SYTL2: variants seen among roughly 807,000 people sequenced by gnomAD.
The protein encoded by SYTL2 is synaptotagmin-like protein 2.
Under a neutral mutation model 198.7 loss-of-function variants are expected in SYTL2, and 165 were observed. The ratio of observed to expected loss-of-function variants is 0.83; its 90% CI spans 0.73 to 0.94. The LOEUF is 0.94. SYTL2 is among the 40% of genes least tolerant of loss of function. SYTL2 has a pLI of 0.00. For synonymous variants in SYTL2, 966 were observed against 917.7 expected (o/e 1.05, Z -0.95); for missense variants, 2,835 against 2,582.8 (o/e 1.10, Z -2.12).
chr11:85,806,221 T>C, intron 1 of SYTL2, among the ~76,000 whole-genome samples: 1 of 152,232 alleles, frequency 6.6e-6, no homozygotes, highest in East Asian at 1.9e-4. Context: ...GCTCAATCTT[T>C]TCCTAAATTG....
the SYTL2 span, among the ~76,000 whole-genome samples, chr11:85,830,558 G>A: frequency 6.6e-6 from 1 of 151,890 alleles, no homozygotes; most frequent in Non-Finnish European, 1.5e-5. Flanking sequence ...GTCTCTTTGT[G>A]TCTTTGTCTA....
intron 16 of SYTL2, among the ~76,000 whole-genome samples, chr11:85,703,801 A>C (rs1470098884): frequency 6.6e-6 from 1 of 152,174 alleles, no homozygotes; most frequent in African/African-American, 2.4e-5. Context: ...AAAGGATGAG[A>C]GAATGGGTAA....
chr11:85,786,468 A>T (rs1432713692), intron 1 of SYTL2, among the ~76,000 whole-genome samples: 1 of 152,232 alleles, frequency 6.6e-6, no homozygotes, highest in Non-Finnish European at 1.5e-5. Context: ...GTTGTACAAA[A>T]TGTTACCATA....
chr11:85,755,216 A>T (rs1302540227), intron 2 of SYTL2, among the ~76,000 whole-genome samples: 1 of 152,138 alleles, frequency 6.6e-6, no homozygotes, highest in Non-Finnish European at 1.5e-5. Flanking sequence ...GGCCTAAAGC[A>T]AAGAGGGGGT....
the SYTL2 span, among the ~76,000 whole-genome samples, chr11:85,848,097 G>A: frequency 6.6e-6 from 1 of 152,030 alleles, no homozygotes; most frequent in Non-Finnish European, 1.5e-5. Context: ...AAAATCAGTT[G>A]AGCATGGTGG....
At chr11:85,827,200 T>C in the SYTL2 span, among the ~76,000 whole-genome samples, 1 of 152,240 alleles carries the variant, frequency 6.6e-6, no homozygotes, top group Non-Finnish European at 1.5e-5. Flanking sequence ...CTGTTGTTAC[T>C]GAGGCAGAAG....
chr11:85,700,085 A>G (rs1171280180), intron 17 of SYTL2, among the ~76,000 whole-genome samples: 1 of 152,214 alleles, frequency 6.6e-6, no homozygotes, highest in Non-Finnish European at 1.5e-5. Context: ...GTGAAACCTA[A>G]TGACTATAAA....
chr11:85,731,334 T>C (rs1226886689), intron 7 of SYTL2, among the ~76,000 whole-genome samples: 3 of 152,128 alleles, frequency 2.0e-5, no homozygotes, highest in Non-Finnish European at 2.9e-5. Context: ...CTTCAAACTA[T>C]ACTACAAGGC....
chr11:85,718,682 T>C (rs748248904), intron 10 of SYTL2, 108 bp downstream of exon 10: 1 of 921,292 alleles, frequency 1.1e-6, no homozygotes, highest in Non-Finnish European at 1.7e-6. Flanking sequence ...CACCACATAG[T>C]GGCAAATGAC....
intron 17 of SYTL2, among the ~76,000 whole-genome samples, chr11:85,699,671 C>T (rs769295265): frequency 1.3e-5 from 2 of 152,138 alleles, no homozygotes; most frequent in African/African-American, 4.8e-5. Flanking sequence ...AGCTTCACTG[C>T]CTGGTTACTG....
At chr11:85,769,299 A>G (rs1591975676) in intron 1 of SYTL2, among the ~76,000 whole-genome samples, 1 of 152,352 alleles carries the variant, frequency 6.6e-6, no homozygotes, top group East Asian at 1.9e-4. Flanking sequence ...ATGTAATCAC[A>G]AGGTCCTTAT....
chr11:85,738,952 C>T (rs528654724), intron 4 of SYTL2, among the ~76,000 whole-genome samples: 5 of 152,204 alleles, frequency 3.3e-5, no homozygotes, highest in African/African-American at 7.2e-5. Flanking sequence ...GCCTCCAGGC[C>T]GCCAGCCTCA....
At chr11:85,796,744 G>T (rs114570162) in intron 1 of SYTL2, among the ~76,000 whole-genome samples, 1 of 152,374 alleles carries the variant, frequency 6.6e-6, no homozygotes, top group African/African-American at 2.4e-5. Context: ...GGATGGCACA[G>T]AGTGAAAGTA....
At chr11:85,736,901 G>A (rs1005393920) in intron 5 of SYTL2, among the ~76,000 whole-genome samples, 6 of 152,084 alleles carry the variant, frequency 3.9e-5, no homozygotes, top group East Asian at 1.9e-4. Context: ...ACTTGGCCCC[G>A]GATATAGCAA....
At position 85,727,658 on chromosome 11, in the gene SYTL2, G is replaced by A. The variant is rs769419913; in HGVS notation, c.1700C>T (p.Thr567Ile). The change falls in exon 8 of 20, where the codon ACT becomes ATT. Residue 567 changes from threonine (T) to isoleucine (I), a missense_variant. Coordinates refer to ENST00000359152, the MANE Select transcript of SYTL2 (RefSeq NM_206927.4). ...VAVDLVTDDT[T>I]LRENGSKTLS... ...GGTCTTTGAGCCATTTTCTCTTAAAGTAGTGTCATCTGTCACCAAGTCAAC... is the reference window on the plus strand; with the variant it reads ...GGTCTTTGAGCCATTTTCTCTTAAAATAGTGTCATCTGTCACCAAGTCAAC... 7.2e-6 allele frequency: 11 copies of A among 1,537,628 alleles called. No individual in the cohort carries two copies. Among genetic ancestry groups the A allele is most frequent in the Non-Finnish European group, 8.7e-7 (1 of 1,146,862 alleles).
intron 3 of SYTL2, among the ~76,000 whole-genome samples, chr11:85,747,243 C>T (rs1161297140): frequency 2.6e-5 from 4 of 151,716 alleles, no homozygotes; most frequent in African/African-American, 9.7e-5. Flanking sequence ...TTGCTTGAGG[C>T]CAGTAGTTCG....
chr11:85,740,260 A>G (rs2090683369), intron 4 of SYTL2, among the ~76,000 whole-genome samples: 1 of 151,920 alleles, frequency 6.6e-6, no homozygotes, highest in Admixed American at 6.6e-5. Context: ...TGCCCCAGAA[A>G]CTCACCTGAC....
intron 1 of SYTL2, among the ~76,000 whole-genome samples, chr11:85,773,466 C>T (rs1407982514): frequency 2.6e-5 from 4 of 152,226 alleles, no homozygotes; most frequent in African/African-American, 4.8e-5. Context: ...CACCTCCTGT[C>T]GGAAGATGAG....
intron 6 of SYTL2, among the ~76,000 whole-genome samples, chr11:85,735,362 A>T (rs939498569): frequency 6.6e-6 from 1 of 152,196 alleles, no homozygotes; most frequent in Non-Finnish European, 1.5e-5. Context: ...CTTAAAGAAA[A>T]ACATAGAAGT....
Sources: gnomAD v4.1 joint callset for allele counts (sites outside exome capture counted in the v4.1 genomes callset) on GRCh38, gnomAD v4.1.1 for gene constraint, MANE v1.5 for transcripts, NCBI Gene and HGNC (gene_info 2026-07-23, HGNC 2026-07-21) for gene names.